HS6ST3: variants seen among roughly 807,000 people sequenced by gnomAD.
The protein encoded by HS6ST3 is heparan-sulfate 6-O-sulfotransferase 3.
In HS6ST3, 12 loss-of-function variants were observed where a neutral mutation model predicts 36.7. The ratio of observed to expected loss-of-function variants is 0.33; its 90% confidence interval spans 0.21 to 0.53. The LOEUF is 0.53. HS6ST3 is among the 20% of genes least tolerant of loss of function. The pLI is 0.95. For missense variants in HS6ST3, 584 were observed against 640.9 expected, an observed-to-expected ratio of 0.91 and a Z score of 0.96; for synonymous variants, 240 against 257.5, an observed-to-expected ratio of 0.93 and a Z score of 0.65.
chr13:96,283,866 C>G (rs1214738058), intron 1 of HS6ST3, among the ~76,000 whole-genome samples: 1 of 152,074 alleles, frequency 6.6e-6, no homozygotes, highest in African/African-American at 2.4e-5. Flanking sequence ...CCAGCAGGCT[C>G]CAGGTTTTGC....
rs1878908800 is a variant in HS6ST3, at chr13:96,835,624, C to CACACACAA, written c.*2433_*2434insAACACACA. The CACACACAA allele has an allele frequency of 6.6e-6, 1 of 152,182 alleles. No individual in the cohort carries two copies. The highest frequency in any genetic ancestry group is 2.4e-5 in the African/African-American group (1 of 41,344). 9.4% of individuals were successfully genotyped at this position (152,182 alleles called of 1,614,324 possible). A position where few individuals can be genotyped will look rare whatever the true frequency, so the allele number is the denominator to read the frequency against. On this transcript the variant is annotated 3_prime_UTR_variant, in exon 2 of 2. Coordinates refer to ENST00000376705, the MANE Select transcript of HS6ST3 (RefSeq NM_153456.4). The stretch of plus-strand genomic sequence containing the variant: ...CCTGTGACACACACACACACACACA[C>CACACACAA]ACACACACACAAACAATCCAGTGTT...
At chr13:96,590,273 A>G (rs1282945144) in intron 1 of HS6ST3, among the ~76,000 whole-genome samples, 3 of 152,114 alleles carry the variant, frequency 2.0e-5, no homozygotes, top group Non-Finnish European at 2.9e-5. Context: ...ACTGTTTTCC[A>G]TACTGGTTGT....
At chr13:96,387,762 T>G (rs1471135934) in intron 1 of HS6ST3, among the ~76,000 whole-genome samples, 1 of 152,234 alleles carries the variant, frequency 6.6e-6, no homozygotes, top group African/African-American at 2.4e-5. Context: ...ATTATTTGCT[T>G]ATTTCCTTAT....
intron 1 of HS6ST3, among the ~76,000 whole-genome samples, chr13:96,386,993 A>G (rs935321117): frequency 6.6e-6 from 1 of 152,062 alleles, no homozygotes; most frequent in African/African-American, 2.4e-5. Flanking sequence ...CGGTGGCATG[A>G]CCATGGCTCA....
At chr13:96,409,856 A>T (rs556450711) in intron 1 of HS6ST3, among the ~76,000 whole-genome samples, 3 of 152,182 alleles carry the variant, frequency 2.0e-5, no homozygotes, top group African/African-American at 4.8e-5. Context: ...ACCATATAAA[A>T]CATCTTATGA....
chr13:96,620,610 C>T (rs942276811), intron 1 of HS6ST3, among the ~76,000 whole-genome samples: 9 of 152,174 alleles, frequency 5.9e-5, no homozygotes, highest in South Asian at 2.1e-4. Context: ...ATCCTCATTA[C>T]GCTTCACTTT....
At chr13:96,468,489 C>G (rs903549031) in intron 1 of HS6ST3, among the ~76,000 whole-genome samples, 6 of 150,648 alleles carry the variant, frequency 4.0e-5, no homozygotes, top group Admixed American at 6.6e-5. Flanking sequence ...CACACACACA[C>G]ACACACACAC....
intron 1 of HS6ST3, among the ~76,000 whole-genome samples, chr13:96,812,399 T>C (rs774228472): frequency 3.9e-5 from 6 of 152,170 alleles, no homozygotes; most frequent in Non-Finnish European, 7.3e-5. Flanking sequence ...CTAGAAAATA[T>C]TTGAGCCCTT....
intron 1 of HS6ST3, among the ~76,000 whole-genome samples, chr13:96,225,125 A>G (rs2054474094): frequency 6.6e-6 from 1 of 152,258 alleles, no homozygotes; most frequent in Non-Finnish European, 1.5e-5. Context: ...AATTTTGATC[A>G]GAGACATTTT....
At chr13:96,490,611 A>G (rs1489028365) in intron 1 of HS6ST3, among the ~76,000 whole-genome samples, 1 of 152,220 alleles carries the variant, frequency 6.6e-6, no homozygotes, top group Non-Finnish European at 1.5e-5. Context: ...ACATGGTTAC[A>G]GACTCTGTCT....
At chr13:96,194,033 G>A (rs990136423) in intron 1 of HS6ST3, among the ~76,000 whole-genome samples, 13 of 152,270 alleles carry the variant, frequency 8.5e-5, no homozygotes, top group South Asian at 2.1e-4. Flanking sequence ...TGGGCTAAGC[G>A]TTTGTGATCT....
intron 1 of HS6ST3, among the ~76,000 whole-genome samples, chr13:96,133,846 T>G (rs2053988482): frequency 1.6e-4 from 1 of 6,294 alleles, no homozygotes; most frequent in African/African-American, 2.7e-4. Flanking sequence ...CTTTTATGTT[T>G]TTTTTTTTTT....
At chr13:96,574,164 C>T (rs1015017805) in intron 1 of HS6ST3, 10 of 528,846 alleles carry the variant, frequency 1.9e-5, no homozygotes, top group Non-Finnish European at 3.1e-5. Flanking sequence ...ATATCTCCTC[C>T]AATCTGAGAG....
chr13:96,677,914 T>C (rs1489074943), intron 1 of HS6ST3, among the ~76,000 whole-genome samples: 1 of 152,210 alleles, frequency 6.6e-6, no homozygotes, highest in African/African-American at 2.4e-5. Context: ...CTCGGGCCTG[T>C]AATATTTGTC....
chr13:96,826,554 A>G (rs1199598705), intron 1 of HS6ST3, among the ~76,000 whole-genome samples: 2 of 152,158 alleles, frequency 1.3e-5, no homozygotes, highest in Non-Finnish European at 2.9e-5. Context: ...ATTTAAGTTA[A>G]AAGTGCAGTA....
intron 1 of HS6ST3, among the ~76,000 whole-genome samples, chr13:96,351,930 A>T (rs2139431330): frequency 6.6e-6 from 1 of 152,344 alleles, no homozygotes; most frequent in South Asian, 2.1e-4. Context: ...ATATCAATAT[A>T]ATTTAGAGAA....
chr13:96,808,246 A>G (rs1353663179), intron 1 of HS6ST3, among the ~76,000 whole-genome samples: 1 of 152,146 alleles, frequency 6.6e-6, no homozygotes, highest in African/African-American at 2.4e-5. Context: ...GTTCACCAAT[A>G]TTTTTTGTCT....
intron 1 of HS6ST3, among the ~76,000 whole-genome samples, chr13:96,575,615 C>T (rs2056317716): frequency 6.6e-6 from 1 of 152,222 alleles, no homozygotes. Flanking sequence ...CAAGGCAGAT[C>T]TTTAGCTTGC....
At chr13:96,195,396 T>A (rs2054307328) in intron 1 of HS6ST3, among the ~76,000 whole-genome samples, 2 of 152,220 alleles carry the variant, frequency 1.3e-5, no homozygotes, top group Non-Finnish European at 2.9e-5. Context: ...TGCAGAAATA[T>A]TTTATCCTTT....
Sources: gnomAD v4.1 joint callset for allele counts (sites outside exome capture counted in the v4.1 genomes callset) on GRCh38, gnomAD v4.1.1 for gene constraint, MANE v1.5 for transcripts, NCBI Gene and HGNC (gene_info 2026-07-23, HGNC 2026-07-21) for gene names.